PCSK6: variants seen among roughly 807,000 people sequenced by gnomAD.
PCSK6 encodes the protein proprotein convertase subtilisin/kexin type 6.
In PCSK6, 85 loss-of-function variants were observed where a neutral mutation model predicts 123.3. The ratio of observed to expected loss-of-function variants is 0.69; its 90% CI spans 0.58 to 0.83. PCSK6 has a LOEUF of 0.83. Ranked by LOEUF, PCSK6 falls within the 40% of genes least tolerant of loss-of-function variation. PCSK6 has a pLI of 0.00. For missense variants in PCSK6, 1,191 were observed against 1,282.3 expected (o/e 0.93, Z 1.09); for synonymous variants, 508 against 516.0 (o/e 0.98, Z 0.21).
chr15:101,456,614 G>A (rs1451984540), intron 1 of PCSK6, among the ~76,000 whole-genome samples: 6 of 152,190 alleles, frequency 3.9e-5, no homozygotes, highest in Non-Finnish European at 7.3e-5. Context: ...ATAGGAAACC[G>A]CTTTGCCTAC....
intron 1 of PCSK6, among the ~76,000 whole-genome samples, chr15:101,451,899 T>C (rs952666305): frequency 6.6e-6 from 1 of 152,238 alleles, no homozygotes; most frequent in Non-Finnish European, 1.5e-5. Context: ...CCACTGGACC[T>C]ATATTTAGCC....
intron 2 of PCSK6, among the ~76,000 whole-genome samples, chr15:101,441,361 C>T (rs7165188): frequency 0.38 from 57,172 of 151,704 alleles, 11,228 homozygotes; most frequent in African/African-American, 0.45. Flanking sequence ...CTCAAGCCCC[C>T]CACAGAGTCT....
At chr15:101,483,221 C>G (rs939431851) in intron 1 of PCSK6, among the ~76,000 whole-genome samples, 2 of 152,210 alleles carry the variant, frequency 1.3e-5, no homozygotes, top group African/African-American at 4.8e-5. Flanking sequence ...AAACCCCTGA[C>G]GCTGTGGCTG....
chr15:101,443,423 G>C (rs2056806854), intron 2 of PCSK6, 133 bp downstream of exon 2: 1 of 640,262 alleles, frequency 1.6e-6, no homozygotes, highest in Non-Finnish European at 2.8e-6. Flanking sequence ...AGCTACACCT[G>C]TCTTGCTGTA....
chr15:101,446,794 C>A (rs1382857730), intron 1 of PCSK6, among the ~76,000 whole-genome samples: 1 of 152,242 alleles, frequency 6.6e-6, no homozygotes, highest in Admixed American at 6.5e-5. Context: ...GTGACTCAAA[C>A]ACAGGTGCGG....
chr15:101,327,476 C>T (rs879687232), intron 15 of PCSK6, among the ~76,000 whole-genome samples: 11 of 152,116 alleles, frequency 7.2e-5, no homozygotes, highest in Non-Finnish European at 1.2e-4. Flanking sequence ...CGCTGGGAAA[C>T]GGCCCAGGGG....
chr15:101,457,096 C>T (rs1365775222), intron 1 of PCSK6, among the ~76,000 whole-genome samples: 1 of 152,100 alleles, frequency 6.6e-6, no homozygotes, highest in Non-Finnish European at 1.5e-5. Flanking sequence ...TCACTTGAAC[C>T]AGGAGGCGGA....
At chr15:101,415,751 T>C (rs950675308) in intron 6 of PCSK6, among the ~76,000 whole-genome samples, 1 of 152,228 alleles carries the variant, frequency 6.6e-6, no homozygotes, top group African/African-American at 2.4e-5. Flanking sequence ...TCCTGTGCTA[T>C]TTTTGTGATA....
chr15:101,478,823 C>T (rs2057796926), intron 1 of PCSK6, among the ~76,000 whole-genome samples: 2 of 152,290 alleles, frequency 1.3e-5, no homozygotes, highest in African/African-American at 2.4e-5. Context: ...AAAGCATAAG[C>T]GATATTTGAC....
intron 13 of PCSK6, chr15:101,347,809 G>A: frequency 6.3e-7 from 1 of 1,576,382 alleles, no homozygotes; most frequent in Non-Finnish European, 8.7e-7. Context: ...TGAAGCCCAT[G>A]GGCTGAAGCT....
At chr15:101,356,214 C>T (rs149082814) in intron 13 of PCSK6, among the ~76,000 whole-genome samples, 27 of 152,336 alleles carry the variant, frequency 1.8e-4, no homozygotes, top group African/African-American at 5.8e-4. Flanking sequence ...TGCACCGTTG[C>T]CAGCTCCGTT....
chr15:101,480,962 A>C (rs12324119), intron 1 of PCSK6, among the ~76,000 whole-genome samples: 10,379 of 152,278 alleles, frequency 0.068, 869 homozygotes, highest in African/African-American at 0.2. Flanking sequence ...ACTCATAACC[A>C]AGAGTCTCTT....
intron 1 of PCSK6, among the ~76,000 whole-genome samples, chr15:101,458,363 C>A (rs1343196723): frequency 1.3e-5 from 2 of 152,160 alleles, no homozygotes; most frequent in Non-Finnish European, 2.9e-5. Context: ...AGGCTTTGAG[C>A]TGAGGCATAA....
intron 19 of PCSK6, among the ~76,000 whole-genome samples, chr15:101,316,941 A>C (rs1474781469): frequency 9.7e-6 from 1 of 102,836 alleles, no homozygotes; most frequent in African/African-American, 5.9e-5. Flanking sequence ...ACAGAGTCTT[A>C]CTCTGTCGCC....
At chr15:101,383,490 CCA>C (rs1302427962) in intron 10 of PCSK6, among the ~76,000 whole-genome samples, 9 of 151,576 alleles carry the variant, frequency 5.9e-5, no homozygotes, top group Non-Finnish European at 8.8e-5. Context: ...TCAAAGGCCG[CCA>C]ACAGCCAGCC....
intron 6 of PCSK6, among the ~76,000 whole-genome samples, chr15:101,427,079 T>C (rs1567212602): frequency 6.6e-6 from 1 of 152,208 alleles, no homozygotes; most frequent in Admixed American, 6.5e-5. Flanking sequence ...GTGACTGAGC[T>C]GTCACACTGC....
chr15:101,336,205 C>T (rs2040473096), intron 13 of PCSK6, among the ~76,000 whole-genome samples: 1 of 152,216 alleles, frequency 6.6e-6, no homozygotes, highest in South Asian at 2.1e-4. Context: ...TACTTCATCT[C>T]TGTTCCTTAG....
At chr15:101,428,692 G>A (rs950072222) in intron 5 of PCSK6, among the ~76,000 whole-genome samples, 15 of 152,210 alleles carry the variant, frequency 9.9e-5, no homozygotes, top group African/African-American at 2.7e-4. Context: ...GCACATCTTT[G>A]AGAAGAGTCC....
At chr15:101,359,425 C>T (rs1423710159) in intron 13 of PCSK6, among the ~76,000 whole-genome samples, 2 of 152,228 alleles carry the variant, frequency 1.3e-5, no homozygotes, top group African/African-American at 4.8e-5. Context: ...ATCCACTAAT[C>T]CTGTGTCCTC....
Sources: gnomAD v4.1 joint callset for allele counts (sites outside exome capture counted in the v4.1 genomes callset) on GRCh38, gnomAD v4.1.1 for gene constraint, MANE v1.5 for transcripts, NCBI Gene and HGNC (gene_info 2026-07-23, HGNC 2026-07-21) for gene names.